The following DCDC1 variants were observed in gnomAD, a reference collection of about 807,000 sequenced individuals.
DCDC1 encodes doublecortin domain containing 1.
In DCDC1, 200 loss-of-function variants were observed where a neutral mutation model predicts 178.3. The observed-to-expected ratio is 1.12, with a 90% CI of 1.00 to 1.26. DCDC1 has a LOEUF of 1.26. Ranked by LOEUF, DCDC1 falls within the 50% of genes most tolerant of loss-of-function variation. The pLI is 0.00. For missense variants in DCDC1, 1,983 were observed against 1,749.2 expected (o/e 1.13, Z -2.38); for synonymous variants, 690 against 604.8 (o/e 1.14, Z -2.07).
chr11:31,238,703 A>G (rs1052144189), intron 9 of DCDC1, among the ~76,000 whole-genome samples: 9 of 152,156 alleles, frequency 5.9e-5, no homozygotes, highest in Non-Finnish European at 1.0e-4. Flanking sequence ...GCGTTTATGC[A>G]ATTGCAAAGA....
chr11:30,931,477 C>A (rs561274091), intron 22 of DCDC1, among the ~76,000 whole-genome samples: 1 of 152,038 alleles, frequency 6.6e-6, no homozygotes, highest in East Asian at 1.9e-4. Flanking sequence ...AAAACTCAAA[C>A]AAAAATGCTA....
chr11:31,352,082 T>C lies in DCDC1; in HGVS notation c.-124-16518A>G, dbSNP rs80263541. ...AAACCTGATTACAAAAATCTGGACCTCCAATTTGCTTCAACAAAAATTATG... is the reference window on the plus strand; with the variant it reads ...AAACCTGATTACAAAAATCTGGACCCCCAATTTGCTTCAACAAAAATTATG... On this transcript the variant is annotated intron_variant, in intron 1 of 38. Coordinates refer to ENST00000684477, the MANE Select transcript of DCDC1 (RefSeq NM_001387274.1). 1.6e-3 allele frequency among the ~76,000 whole-genome samples: 246 copies of C among 152,262 alleles called. 2 individuals are homozygous for C. In the East Asian group the frequency reaches 0.031, roughly 19 times the overall value.
At chr11:31,232,599 A>T (rs1975919877) in intron 9 of DCDC1, among the ~76,000 whole-genome samples, 1 of 151,888 alleles carries the variant, frequency 6.6e-6, no homozygotes, top group Non-Finnish European at 1.5e-5. Context: ...TCCTTTTCAA[A>T]CTCTGCCCAT....
intron 27 of DCDC1, among the ~76,000 whole-genome samples, chr11:30,912,764 T>C (rs1945535457): frequency 6.6e-6 from 1 of 152,186 alleles, no homozygotes; most frequent in Non-Finnish European, 1.5e-5. Flanking sequence ...AGTTTATCCT[T>C]TCTTGGGCAA....
rs11031258 is a variant in DCDC1, at chr11:30,977,788, G to A, written c.2592-25220C>T. ...CTACAAAAAAATACAAAAACCAGCC[G>A]GGCATTGTGGCTTGCCTGTATTCCC... On this transcript the variant is annotated intron_variant, in intron 20 of 38. Transcript: ENST00000684477. 4.6e-4 allele frequency among the ~76,000 whole-genome samples: 70 copies of A among 152,134 alleles called. 1 individual carries two copies. In the East Asian group the frequency reaches 0.012, roughly 26 times the overall value.
intron 20 of DCDC1, among the ~76,000 whole-genome samples, chr11:31,000,319 C>G (rs1221200089): frequency 1.3e-5 from 2 of 152,122 alleles, no homozygotes; most frequent in East Asian, 3.9e-4. Flanking sequence ...AATATTTAGT[C>G]TCCTCTTCTC....
chr11:31,130,909 G>A lies in DCDC1; in HGVS notation c.1315-3270C>T, dbSNP rs61878243. 7.7e-5 allele frequency among the ~76,000 whole-genome samples: 2 copies of A among 26,116 alleles called. 1 individual carries two copies. Among genetic ancestry groups the A allele is most frequent in the Non-Finnish European group, 2.0e-4 (2 of 10,126 alleles). 17.1% of individuals were successfully genotyped at this position (26,116 alleles called of 152,430 possible). On this transcript the variant is annotated intron_variant, in intron 10 of 38. Transcript: ENST00000684477. ...TAAAGAAAACAAAATTAGGCCGGGC[G>A]CGGTGGCTCACGCCTGTAATCCCAG...
chr11:31,260,264 T>C (rs935345677), intron 8 of DCDC1, among the ~76,000 whole-genome samples: 3 of 152,264 alleles, frequency 2.0e-5, no homozygotes, highest in Non-Finnish European at 4.4e-5. Context: ...AATTTGATCT[T>C]GAAATTTGCT....
In DCDC1 at chr11:30,876,284, A is replaced by G. The variant is rs935286414; in HGVS notation, c.*40+2260T>C. Among the ~76,000 whole-genome samples the G allele has an allele frequency of 4.6e-5, 7 of 152,356 alleles. No individual in the cohort carries two copies. In the East Asian group the frequency reaches 1.3e-3, roughly 29 times the overall value. On this transcript the variant is annotated intron_variant, in intron 38 of 38. Transcript: ENST00000684477. Reference sequence around the variant, plus strand: ...CCCAAAGGAAATTACTGCATTTATTAAAAGCCTAGATGGCTGAACAGATTT... The same window carrying G: ...CCCAAAGGAAATTACTGCATTTATTGAAAGCCTAGATGGCTGAACAGATTT...
chr11:30,995,338 A>G (rs1315665275), intron 20 of DCDC1, among the ~76,000 whole-genome samples: 1 of 152,174 alleles, frequency 6.6e-6, no homozygotes, highest in Non-Finnish European at 1.5e-5. Flanking sequence ...ATTATTTCCA[A>G]TTTGATCTAT....
At chr11:30,886,827 G>A (rs1022057474) in intron 36 of DCDC1, among the ~76,000 whole-genome samples, 2 of 151,944 alleles carry the variant, frequency 1.3e-5, no homozygotes, top group African/African-American at 2.4e-5. Flanking sequence ...GAAAAATGAG[G>A]AGCTATATAG....
chr11:30,922,399 G>A (rs2134250594), intron 24 of DCDC1, 104 bp downstream of exon 24: 3 of 1,310,966 alleles, frequency 2.3e-6, no homozygotes, highest in Non-Finnish European at 3.0e-6. Flanking sequence ...AGATGCAGAG[G>A]TGAAATATTA....
chr11:30,881,804 A>C (rs534796575), intron 36 of DCDC1, among the ~76,000 whole-genome samples: 1 of 152,232 alleles, frequency 6.6e-6, no homozygotes, highest in East Asian at 1.9e-4. Context: ...ATAGTTAAAA[A>C]GTCTTTTGTT....
chr11:31,192,118 G>C (rs905866603), intron 9 of DCDC1, among the ~76,000 whole-genome samples: 7 of 151,908 alleles, frequency 4.6e-5, no homozygotes, highest in African/African-American at 1.4e-4. Context: ...AAAATCTCTC[G>C]AATCTTTTCC....
chr11:31,362,884 CTAAT>C (rs1329212759), intron 1 of DCDC1, among the ~76,000 whole-genome samples: 2 of 152,194 alleles, frequency 1.3e-5, no homozygotes, highest in African/African-American at 2.4e-5. Context: ...CAGTCTCTAA[CTAAT>C]TAAACTGAAA....
chr11:31,300,711 T>G (rs988978982), intron 6 of DCDC1, among the ~76,000 whole-genome samples: 3 of 151,944 alleles, frequency 2.0e-5, no homozygotes, highest in African/African-American at 7.2e-5. Context: ...TATAAATGAA[T>G]TCTCAGGTAA....
At chr11:30,914,312 G>C (rs1405646270) in intron 27 of DCDC1, among the ~76,000 whole-genome samples, 1 of 152,248 alleles carries the variant, frequency 6.6e-6, no homozygotes, top group East Asian at 1.9e-4. Flanking sequence ...TCAGTGAGCA[G>C]AGTAAGACCA....
intron 8 of DCDC1, among the ~76,000 whole-genome samples, chr11:31,260,390 T>C (rs955977676): frequency 6.6e-5 from 10 of 152,230 alleles, no homozygotes; most frequent in Non-Finnish European, 1.0e-4. Context: ...CTCTATGTTA[T>C]TGGAATTTTA....
chr11:31,170,660 C>T (rs923127691), intron 9 of DCDC1, among the ~76,000 whole-genome samples: 12 of 152,090 alleles, frequency 7.9e-5, no homozygotes, highest in Admixed American at 6.5e-5. Context: ...CATCTAGCTA[C>T]CTCAATCATA....
Sources: gnomAD v4.1 joint callset for allele counts (sites outside exome capture counted in the v4.1 genomes callset) on GRCh38, gnomAD v4.1.1 for gene constraint, MANE v1.5 for transcripts, NCBI Gene and HGNC (gene_info 2026-07-23, HGNC 2026-07-21) for gene names.